Variants in SRGAP1 observed in about 807,000 individuals in gnomAD.
SRGAP1 encodes SLIT-ROBO Rho GTPase activating protein 1, also known as SLIT-ROBO Rho GTPase-activating protein 1.
In SRGAP1, 43 loss-of-function variants were observed where a neutral mutation model predicts 121.9. The observed-to-expected ratio is 0.35, with a 90% CI of 0.28 to 0.46. The LOEUF is 0.46. Among genes scored for constraint, SRGAP1 ranks in the 20% least tolerant of loss-of-function variants. The pLI is 1.00. For missense variants in SRGAP1, 1,102 were observed against 1,350.9 expected, an observed-to-expected ratio of 0.82 and a Z score of 2.89; for synonymous variants, 447 against 485.4, an observed-to-expected ratio of 0.92 and a Z score of 1.04.
Position 64,140,063 on chromosome 12 carries a change from G to A in SRGAP1, c.2881-2232G>A, listed in dbSNP as rs1392819068. Among the ~76,000 whole-genome samples, 257 of 149,652 alleles carry A rather than the reference G, an allele frequency of 1.7e-3. 1 individual carries two copies. Among genetic ancestry groups the A allele is most frequent in the African/African-American group, 4.1e-3 (163 of 39,776 alleles). On this transcript the variant is annotated intron_variant, in intron 21 of 21. Transcript: ENST00000355086. ...GATCAGACAGTTGTAGATATGTGGC[G>A]TTATTTCTGAGGGCTCTGTTCTGTT... is the stretch of plus-strand genomic sequence containing the variant.
rs78712374 is a variant in SRGAP1, at chr12:63,975,018, C to T, written c.68-8929C>T. On this transcript the variant is annotated intron_variant, in intron 1 of 21. Coordinates refer to ENST00000355086, the MANE Select transcript of SRGAP1 (RefSeq NM_020762.4). ...GTCCCTTAAACTAAGTAGTCTGCAC[C>T]ATCATATCTAGAACTTGTATTTTTC... Among the ~76,000 whole-genome samples the T allele has an allele frequency of 9.9e-3, 1,509 of 152,284 alleles. 30 individuals are homozygous for T. Among genetic ancestry groups the T allele is most frequent in the African/African-American group, 0.035 (1,434 of 41,548 alleles).
chr12:63,960,551 A>G (rs763870679), intron 1 of SRGAP1, among the ~76,000 whole-genome samples: 1 of 152,100 alleles, frequency 6.6e-6, no homozygotes, highest in South Asian at 2.1e-4. Context: ...TTTAGCTCCT[A>G]TAGCACTCAA....
intron 14 of SRGAP1, among the ~76,000 whole-genome samples, chr12:64,095,405 C>T (rs2036135999): frequency 1.3e-5 from 2 of 152,146 alleles, no homozygotes; most frequent in Non-Finnish European, 2.9e-5. Context: ...ATTAGAAAAG[C>T]ATATGAGCTC....
At chr12:64,009,909 C>G (rs1422540347) in intron 3 of SRGAP1, among the ~76,000 whole-genome samples, 1 of 152,098 alleles carries the variant, frequency 6.6e-6, no homozygotes, top group Non-Finnish European at 1.5e-5. Flanking sequence ...TAAACATTAC[C>G]CAGAAACTTG....
intron 1 of SRGAP1, among the ~76,000 whole-genome samples, chr12:63,917,538 A>T (rs1424747241): frequency 2.6e-5 from 4 of 152,088 alleles, no homozygotes; most frequent in South Asian, 4.2e-4. Context: ...TTTGGAAGGG[A>T]CTGCATGGGC....
intron 4 of SRGAP1, among the ~76,000 whole-genome samples, chr12:64,019,130 G>T (rs1025054593): frequency 6.6e-6 from 1 of 152,094 alleles, no homozygotes; most frequent in African/African-American, 2.4e-5. Flanking sequence ...AGACAACAGT[G>T]GCAAAGATGA....
Position 64,127,667 on chromosome 12 carries a change from C to A in SRGAP1, c.2483C>A (p.Ser828Tyr). 1.2e-6 allele frequency: 2 copies of A among 1,614,120 alleles called. No individual in the cohort carries two copies. Among genetic ancestry groups the A allele is most frequent in the Non-Finnish European group, 1.7e-6 (2 of 1,180,016 alleles). ...AGTGGGCCAGTCACGGAAGACAAGT[C>A]CTCATCCAAGGACATGAACTCCCCG... ...ASSGPVTEDK[S>Y]SSKDMNSPTD... The change falls in exon 20 of 22, where the codon TCC becomes TAC. Residue 828 changes from serine to tyrosine, a missense_variant. By Grantham distance (144) the Ser-to-Tyr change is moderately radical. This residue lies in a region of SRGAP1 where 315 missense variants were observed against 343.1 expected (regional missense o/e 0.92). Transcript: ENST00000355086.
At chr12:64,093,269 A>G (rs1335240596) in intron 12 of SRGAP1, among the ~76,000 whole-genome samples, 2 of 152,136 alleles carry the variant, frequency 1.3e-5, no homozygotes, top group Non-Finnish European at 2.9e-5. Flanking sequence ...ATTAAATCAC[A>G]TATACTCATT....
At chr12:64,103,330 CT>C (rs1565682239) in intron 15 of SRGAP1, among the ~76,000 whole-genome samples, 2 of 152,140 alleles carry the variant, frequency 1.3e-5, no homozygotes, top group African/African-American at 4.8e-5. Context: ...TCATAAACCA[CT>C]TTTTTAAAAC....
chr12:63,967,982 T>C (rs965123936), intron 1 of SRGAP1, among the ~76,000 whole-genome samples: 2 of 152,190 alleles, frequency 1.3e-5, no homozygotes, highest in Non-Finnish European at 2.9e-5. Context: ...TTTTCAATGC[T>C]AGGAAACTAG....
chr12:64,079,881 G>A (rs371851655), intron 9 of SRGAP1, among the ~76,000 whole-genome samples: 14 of 152,172 alleles, frequency 9.2e-5, no homozygotes, highest in East Asian at 3.9e-4. Flanking sequence ...AGTTTCTGGC[G>A]TCTAGAAGAT....
rs187336845 is a variant in SRGAP1 at position 64,098,991 on chromosome 12, A to G, written c.1813+1616A>G. Among the ~76,000 whole-genome samples, 313 of 152,242 alleles carry G rather than the reference A, an allele frequency of 2.1e-3. 2 individuals carry two copies. The highest frequency in any genetic ancestry group is 2.6e-3 in the Non-Finnish European group (178 of 68,010). On this transcript the variant is annotated intron_variant, in intron 15 of 21. Transcript: ENST00000355086. ...ATTAATCACTTTCTCCTCTCCCATT[A>G]TTCTATTGGGTACGTATGTCCAGAA... is the stretch of plus-strand genomic sequence containing the variant.
intron 11 of SRGAP1, 77 bp downstream of exon 11, chr12:64,087,103 A>G (rs893270179): frequency 2.6e-6 from 3 of 1,148,180 alleles, no homozygotes; most frequent in Non-Finnish European, 3.8e-6. Context: ...CAATGCTGAA[A>G]GAATTAACAT....
intron 2 of SRGAP1, among the ~76,000 whole-genome samples, chr12:63,986,838 G>T (rs1486500148): frequency 1.3e-5 from 2 of 152,154 alleles, no homozygotes; most frequent in African/African-American, 4.8e-5. Flanking sequence ...GGATGGACAC[G>T]TTTTTGTTTC....
At chr12:63,930,254 G>C (rs2031422046) in intron 1 of SRGAP1, among the ~76,000 whole-genome samples, 1 of 151,120 alleles carries the variant, frequency 6.6e-6, no homozygotes, top group African/African-American at 2.4e-5. Flanking sequence ...AGTTTGGGAG[G>C]CTGTGGTGGG....
intron 3 of SRGAP1, among the ~76,000 whole-genome samples, chr12:64,001,768 T>C (rs1308545361): frequency 1.3e-5 from 2 of 152,196 alleles, no homozygotes; most frequent in Non-Finnish European, 2.9e-5. Flanking sequence ...AAAGTGTTGC[T>C]TAAAGCCACT....
chr12:64,034,818 G>A (rs1283907828), intron 4 of SRGAP1, among the ~76,000 whole-genome samples: 3 of 152,130 alleles, frequency 2.0e-5, no homozygotes, highest in Admixed American at 6.5e-5. Flanking sequence ...CTCATGAGTC[G>A]GAGCTCTTAA....
chr12:64,006,115 G>A (rs1435678265), intron 3 of SRGAP1, among the ~76,000 whole-genome samples: 3 of 152,136 alleles, frequency 2.0e-5, no homozygotes, highest in African/African-American at 7.2e-5. Flanking sequence ...ATTCTGGCTG[G>A]AAGAAAGGCC....
At chr12:63,924,097 G>A (rs764459491) in intron 1 of SRGAP1, among the ~76,000 whole-genome samples, 26 of 152,104 alleles carry the variant, frequency 1.7e-4, no homozygotes, top group Non-Finnish European at 3.2e-4. Flanking sequence ...GGTGGAGGTC[G>A]TAGTGAGCCG....
Sources: allele counts gnomAD v4.1 joint callset (sites outside exome capture counted in the v4.1 genomes callset), GRCh38; gene constraint gnomAD v4.1.1; regional missense constraint gnomAD v4.1.1; transcripts MANE v1.5; gene names NCBI Gene and HGNC (gene_info 2026-07-23, HGNC 2026-07-21).